Variants in FRMD4A observed in about 807,000 individuals in gnomAD.
FRMD4A encodes FERM domain-containing protein 4A.
Under a neutral mutation model 129.1 loss-of-function variants are expected in FRMD4A, and 29 were observed. That is an observed-to-expected ratio of 0.22 (90% confidence interval 0.17 to 0.31). The LOEUF (loss-of-function observed/expected upper bound fraction) is 0.31, where lower values mean the gene tolerates loss of function less well. Ranked by LOEUF, FRMD4A falls within the 10% of genes least tolerant of loss-of-function variation. FRMD4A has a pLI of 1.00. For synonymous variants in FRMD4A, 634 were observed against 571.6 expected (o/e 1.11, Z -1.56); for missense variants, 1,272 against 1,375.8 (o/e 0.92, Z 1.19).
In FRMD4A at chr10:13,810,828, T is replaced by G. The variant is rs373759619; in HGVS notation, c.192A>C (p.Ala64=). ...NLKEKEYFGI[A]FTDETGHLNW... Reference sequence around the variant, plus strand: ...GCAGTACTTACGTTTCATCTGTGAATGCTATTCCAAAGTACTCCTTTTCCT... The same window carrying G: ...GCAGTACTTACGTTTCATCTGTGAAGGCTATTCCAAAGTACTCCTTTTCCT... Residue 64 remains alanine, a synonymous_variant, in exon 4 of 25, where the codon GCA becomes GCC. Transcript: ENST00000357447. 3 of 1,572,848 alleles carry G rather than the reference T, an allele frequency of 1.9e-6. No individual in the cohort carries two copies. Among genetic ancestry groups the G allele is most frequent in the Non-Finnish European group, 1.7e-6 (2 of 1,143,186 alleles).
chr10:13,816,026 A>G (rs916309039), intron 3 of FRMD4A, among the ~76,000 whole-genome samples: 1 of 152,250 alleles, frequency 6.6e-6, no homozygotes, highest in Non-Finnish European at 1.5e-5. Flanking sequence ...TCTGAGCAGT[A>G]GCTGCCTGGC....
Position 13,660,538 on chromosome 10 carries a change from G to C in FRMD4A, c.1676C>G (p.Thr559Ser), listed in dbSNP as rs781491209. 3 of 1,605,948 alleles carry C rather than the reference G, an allele frequency of 1.9e-6. No individual in the cohort carries two copies. The African/African-American group carries it at 4.0e-5, about 21-fold the overall frequency. ...LVLEDEDSQV[T>S]STISPLHSPH... ...AGAATGTAGGGGGGATATTGTGCTG[G>C]TAACCTGAGAGTCTTCTGCACAAAG... The change falls in exon 20 of 25, where the codon ACC becomes AGC. Residue 559 changes from threonine (T) to serine (S), a missense_variant. This residue lies in a region of FRMD4A where 972 missense variants were observed against 892.3 expected (regional missense o/e 1.09). Coordinates refer to ENST00000357447, the MANE Select transcript of FRMD4A (RefSeq NM_018027.5).
chr10:14,091,506 T>C lies in FRMD4A; in HGVS notation c.46-232594A>G, dbSNP rs180903585. Among the ~76,000 whole-genome samples the C allele has an allele frequency of 7.2e-5, 11 of 152,342 alleles. No homozygotes were observed. The East Asian group carries it at 1.9e-3, about 27-fold the overall frequency. On this transcript the variant is annotated intron_variant, in intron 2 of 24. Coordinates refer to ENST00000357447, the MANE Select transcript of FRMD4A (RefSeq NM_018027.5). The stretch of plus-strand genomic sequence containing the variant: ...TGGACTGCAGTGGTGTGATCTCAGC[T>C]CACTGCAACCTCCGCCTCCCGGGTT...
chr10:13,881,993 GTGTGTGTGTGTGT>G (rs2094552012), intron 2 of FRMD4A, among the ~76,000 whole-genome samples: 2 of 146,292 alleles, frequency 1.4e-5, no homozygotes, highest in East Asian at 4.5e-4. Flanking sequence ...AGGCAAGGGT[GTGTGTGTGTGTGT>G]GTGTGTGTGT....
intron 24 of FRMD4A, chr10:13,648,694 G>A (rs61833190): frequency 1.3e-5 from 2 of 152,172 alleles, no homozygotes; most frequent in African/African-American, 2.4e-5. Flanking sequence ...CAGTGACATC[G>A]GCTGGTACAC....
At chr10:13,794,766 A>G (rs770110912) in intron 5 of FRMD4A, among the ~76,000 whole-genome samples, 11 of 152,186 alleles carry the variant, frequency 7.2e-5, no homozygotes, top group East Asian at 1.9e-4. Context: ...CCGACCATCA[A>G]TGGTGATGGT....
At chr10:14,131,087 A>G (rs559728630) in intron 2 of FRMD4A, among the ~76,000 whole-genome samples, 1 of 152,216 alleles carries the variant, frequency 6.6e-6, no homozygotes, top group Non-Finnish European at 1.5e-5. Flanking sequence ...ATGTTCTTCT[A>G]TAATTGGCCC....
chr10:13,974,316 C>A (rs2095533137), intron 2 of FRMD4A, among the ~76,000 whole-genome samples: 1 of 152,094 alleles, frequency 6.6e-6, no homozygotes, highest in Admixed American at 6.5e-5. Flanking sequence ...ACTCAAGCTG[C>A]CCTGATATCT....
chr10:13,689,616 C>T (rs1327713302), intron 15 of FRMD4A, among the ~76,000 whole-genome samples: 1 of 147,950 alleles, frequency 6.8e-6, no homozygotes, highest in Non-Finnish European at 1.5e-5. Flanking sequence ...ATAGTGATAC[C>T]ATCATAGCTC....
At position 14,262,018 on chromosome 10, in the gene FRMD4A, T is replaced by C. The variant is rs370500196; in HGVS notation, c.45+68040A>G. ...TTTCCCTAGTTCCCCTCTCTCTGCT[T>C]CTCTGTCTCCCTCTCCACCTCTCTT... On this transcript the variant is annotated intron_variant, in intron 2 of 24. Transcript: ENST00000357447. 2.0e-5 allele frequency among the ~76,000 whole-genome samples: 3 copies of C among 151,656 alleles called. No homozygotes were observed. In the South Asian group the frequency reaches 6.3e-4, roughly 32 times the overall value.
chr10:14,146,869 T>C (rs954346287), intron 2 of FRMD4A, among the ~76,000 whole-genome samples: 1 of 152,202 alleles, frequency 6.6e-6, no homozygotes, highest in African/African-American at 2.4e-5. Flanking sequence ...CTGCACGTAA[T>C]CAGTTGAGGC....
At chr10:13,742,323 C>T (rs185045563) in intron 9 of FRMD4A, among the ~76,000 whole-genome samples, 7 of 152,290 alleles carry the variant, frequency 4.6e-5, no homozygotes, top group South Asian at 4.1e-4. Context: ...GAAGCAGGTG[C>T]AGGCAGAAAG....
intron 2 of FRMD4A, among the ~76,000 whole-genome samples, chr10:14,253,519 C>T (rs1261620581): frequency 6.6e-6 from 1 of 152,150 alleles, no homozygotes; most frequent in African/African-American, 2.4e-5. Context: ...TTATCACTGT[C>T]CTGGACAGAT....
intron 3 of FRMD4A, among the ~76,000 whole-genome samples, chr10:13,832,705 A>T (rs1364938218): frequency 6.6e-6 from 1 of 152,168 alleles, no homozygotes; most frequent in Admixed American, 6.5e-5. Context: ...CTAGGGGACT[A>T]GAGGGTGAGG....
chr10:14,103,347 AG>A (rs1837409178), intron 2 of FRMD4A, among the ~76,000 whole-genome samples: 1 of 152,200 alleles, frequency 6.6e-6, no homozygotes, highest in Admixed American at 6.5e-5. Context: ...TGAAACAGGT[AG>A]GGGGTAACCT....
intron 19 of FRMD4A, among the ~76,000 whole-genome samples, chr10:13,662,726 C>G (rs1402372248): frequency 6.6e-6 from 1 of 152,172 alleles, no homozygotes; most frequent in Non-Finnish European, 1.5e-5. Flanking sequence ...GATATCTCCC[C>G]TCTTACTTTC....
intron 2 of FRMD4A, among the ~76,000 whole-genome samples, chr10:13,964,975 C>T (rs528205439): frequency 3.9e-5 from 6 of 152,088 alleles, no homozygotes; most frequent in East Asian, 1.9e-4. Context: ...TGAGCCACTG[C>T]GCCTGGCCAA....
At chr10:13,863,447 G>A (rs560945483) in intron 2 of FRMD4A, among the ~76,000 whole-genome samples, 7 of 152,042 alleles carry the variant, frequency 4.6e-5, no homozygotes, top group South Asian at 4.2e-4. Flanking sequence ...AAAATTAGCC[G>A]GGCATGGTGG....
At position 13,830,529 on chromosome 10, in the gene FRMD4A, A is replaced by G. The variant is rs185350767; in HGVS notation, c.112-19621T>C. On this transcript the variant is annotated intron_variant, in intron 3 of 24. Transcript: ENST00000357447. ...GGCCACAGAGTTCTATGGTTTTAAC[A>G]GAGAAGGTGGGATCCATAGCCCACT... Among the ~76,000 whole-genome samples, 1,948 of 152,326 alleles carry G rather than the reference A, an allele frequency of 0.013. 100 individuals are homozygous for G. The East Asian group carries it at 0.14, about 11-fold the overall frequency.
Sources: gnomAD v4.1 joint callset for allele counts (sites outside exome capture counted in the v4.1 genomes callset) on GRCh38, gnomAD v4.1.1 for gene constraint, gnomAD v4.1.1 regional missense constraint, MANE v1.5 for transcripts, NCBI Gene and HGNC (gene_info 2026-07-23, HGNC 2026-07-21) for gene names.